Variants in ZNF714 observed in about 807,000 individuals in gnomAD.
ZNF714 encodes the protein zinc finger protein 714.
In ZNF714, 32 loss-of-function variants were observed where a neutral mutation model predicts 46.2. The ratio of observed to expected loss-of-function variants is 0.69; its 90% CI spans 0.52 to 0.93. The LOEUF (loss-of-function observed/expected upper bound fraction) is 0.93. ZNF714 is among the 40% of genes least tolerant of loss of function. The probability of loss-of-function intolerance (pLI) is 0.00; values close to 1 mark genes in which losing one functional copy is unlikely to be tolerated. For missense variants in ZNF714, 635 were observed against 646.3 expected, an observed-to-expected ratio of 0.98 and a Z score of 0.19; for synonymous variants, 199 against 213.1, an observed-to-expected ratio of 0.93 and a Z score of 0.58.
At position 21,123,906 on chromosome 19, in the gene ZNF714, C is replaced by A. The variant is rs1969750355; in HGVS notation, c.*5574C>A. 3 of 152,202 alleles carry A rather than the reference C, an allele frequency of 2.0e-5. No homozygotes were observed. Among genetic ancestry groups the A allele is most frequent in the South Asian group, 4.1e-4 (2 of 4,822 alleles). The allele number at this position is 152,202 out of a possible 1,614,324, so 9.4% of individuals were successfully genotyped here. A position where few individuals can be genotyped will look rare whatever the true frequency, so the allele number is the denominator to read the frequency against. On this transcript the variant is annotated 3_prime_UTR_variant, in exon 5 of 5. Transcript: ENST00000456283. ...ACCAAGCTGTAGCCAACTCCTGGGT[C>A]ATTTTCTCTGAAAAACATTTGGAGA...
chr19:21,091,055 T>G (rs950043356), intron 2 of ZNF714: 1 of 152,094 alleles, frequency 6.6e-6, no homozygotes, highest in African/African-American at 2.4e-5. Flanking sequence ...CAGCTAATTT[T>G]TGTGTTTTTA....
In ZNF714 at chr19:21,117,010, A is replaced by G. The variant is rs1458590747; in HGVS notation, c.346A>G (p.Ile116Val). 1.2e-6 allele frequency: 2 copies of G among 1,613,678 alleles called. No homozygotes were observed. Among genetic ancestry groups the G allele is most frequent in the East Asian group, 2.2e-5 (1 of 44,814 alleles). ...GTGTTTGACAACTACCCAGAGCAAA[A>G]TATTTCCATGTGATAAATATATAAA... ...NQCLTTTQSK[I>V]FPCDKYIKVF... Residue 116 changes from isoleucine to valine, a missense_variant, in exon 5 of 5, where the codon ATA becomes GTA. By Grantham distance (29) the Ile-to-Val change is conservative. Coordinates refer to ENST00000456283, the MANE Select transcript of ZNF714 (RefSeq NM_182515.4).
At chr19:21,094,257 C>CT (rs1331965020) in intron 2 of ZNF714, among the ~76,000 whole-genome samples, 2 of 152,246 alleles carry the variant, frequency 1.3e-5, no homozygotes, top group African/African-American at 4.8e-5. Context: ...TCCCAAAGTG[C>CT]TGGGATTACT....
intron 4 of ZNF714, among the ~76,000 whole-genome samples, chr19:21,110,166 C>T (rs938424758): frequency 8.5e-5 from 13 of 152,182 alleles, no homozygotes; most frequent in African/African-American, 2.4e-4. Flanking sequence ...TTTGAGGAAT[C>T]GCCATACTGG....
chr19:21,117,744 G>A lies in ZNF714; in HGVS notation c.1080G>A (p.Lys360=). ...FNVSSHLTTH[K]MIHTGEKPYK... ...TGTCTTCACACCTTACTACACATAA[G>A]ATGATTCATACTGGAGAGAAACCCT... Residue 360 remains lysine, a synonymous_variant, in exon 5 of 5, where the codon AAG becomes AAA. Coordinates refer to ENST00000456283, the MANE Select transcript of ZNF714 (RefSeq NM_182515.4). The A allele has an allele frequency of 6.2e-7, 1 of 1,613,086 alleles. No individual in the cohort carries two copies. Among genetic ancestry groups the A allele is most frequent in the Non-Finnish European group, 8.5e-7 (1 of 1,179,730 alleles).
At chr19:21,084,406 G>A (rs1968727940) in intron 2 of ZNF714, among the ~76,000 whole-genome samples, 1 of 152,028 alleles carries the variant, frequency 6.6e-6, no homozygotes, top group Admixed American at 6.6e-5. Flanking sequence ...CCATCAGCAA[G>A]GTTAACTGAG....
intron 4 of ZNF714, among the ~76,000 whole-genome samples, chr19:21,105,119 G>A (rs1166552715): frequency 6.7e-6 from 1 of 149,604 alleles, no homozygotes. Flanking sequence ...CTGCCTCCTG[G>A]GTTTAAGTGA....
rs1043495112 is a variant in ZNF714 at position 21,100,571 on chromosome 19, G to T, written c.142+1661G>T. ...GATTTTTTACCTTCTTGGTTAAATT[G>T]GTTTTCAGAAATTTATTATTTTAAT... is the stretch of plus-strand genomic sequence containing the variant. On this transcript the variant is annotated intron_variant, in intron 4 of 4. Transcript: ENST00000456283. Among the ~76,000 whole-genome samples, 3 of 151,614 alleles carry T rather than the reference G, an allele frequency of 2.0e-5. No individual in the cohort carries two copies. The South Asian group carries it at 6.3e-4, about 32-fold the overall frequency.
In ZNF714 at chr19:21,085,794, G is replaced by A. The variant is rs138725137; in HGVS notation, c.-85+1725G>A. On this transcript the variant is annotated intron_variant, in intron 2 of 4. Coordinates refer to ENST00000456283, the MANE Select transcript of ZNF714 (RefSeq NM_182515.4). ...TGCAGTTAAGGTTAAGATGAAAGGG[G>A]ACTGAGAGGGTCTTACTGATGATAA... 6.5e-3 allele frequency among the ~76,000 whole-genome samples: 992 copies of A among 152,044 alleles called. 10 individuals carry two copies. The highest frequency in any genetic ancestry group is 0.011 in the Non-Finnish European group (718 of 68,008).
intron 4 of ZNF714, among the ~76,000 whole-genome samples, chr19:21,111,596 C>T (rs563308790): frequency 6.6e-6 from 1 of 152,126 alleles, no homozygotes; most frequent in Non-Finnish European, 1.5e-5. Context: ...CCTGATTTCG[C>T]TGGCTGGAAC....
intron 2 of ZNF714, among the ~76,000 whole-genome samples, chr19:21,092,372 T>G (rs1010536381): frequency 4.6e-5 from 7 of 152,174 alleles, no homozygotes; most frequent in Non-Finnish European, 8.8e-5. Context: ...AAGTGTCAAG[T>G]CTCCTGGCAT....
Position 21,118,216 on chromosome 19 carries a change from G to C in ZNF714, c.1552G>C (p.Gly518Arg). 6.3e-7 allele frequency: 1 copy of C among 1,595,260 alleles called. No individual in the cohort carries two copies. Among genetic ancestry groups the C allele is most frequent in the East Asian group, 2.3e-5 (1 of 44,166 alleles). The change falls in exon 5 of 5, where the codon GGA becomes CGA. Residue 518 changes from glycine (G) to arginine (R), a missense_variant. Coordinates refer to ENST00000456283, the MANE Select transcript of ZNF714 (RefSeq NM_182515.4). ...TGCCTGTAATCCCAACACTTTGAGA[G>C]GACTAGGTGAGCAGATCGCGAGGTC... is the stretch of plus-strand genomic sequence containing the variant. Reference protein sequence around the residue: ...AHACNPNTLRGLGEQIARSGV... With the variant: ...AHACNPNTLRRLGEQIARSGV...
intron 4 of ZNF714, among the ~76,000 whole-genome samples, chr19:21,099,845 C>T (rs1213314586): frequency 1.3e-5 from 2 of 152,112 alleles, no homozygotes. Context: ...TTCTTTCAAT[C>T]CATAGACATG....
At chr19:21,082,445 A>G (rs1366972220) in intron 1 of ZNF714, 97 bp downstream of exon 1, 6 of 1,236,202 alleles carry the variant, frequency 4.9e-6, no homozygotes, top group African/African-American at 1.4e-5. Flanking sequence ...CCCGCAGTCA[A>G]CTCTACAATC....
In ZNF714 at chr19:21,121,029, T is replaced by G. The variant is rs901711990; in HGVS notation, c.*2697T>G. The stretch of plus-strand genomic sequence containing the variant: ...CCAAACCTACACTTTTTAAAAATTT[T>G]TTGTTGTTGTTGTTCTTGTTGTTGT... On this transcript the variant is annotated 3_prime_UTR_variant, in exon 5 of 5. Coordinates refer to ENST00000456283, the MANE Select transcript of ZNF714 (RefSeq NM_182515.4). The G allele has an allele frequency of 7.2e-5, 11 of 152,126 alleles. No individual in the cohort carries two copies. Among genetic ancestry groups the G allele is most frequent in the African/African-American group, 9.7e-5 (4 of 41,428 alleles). The allele number at this position is 152,126 out of a possible 1,614,324, so 9.4% of individuals were successfully genotyped here. A position where few individuals can be genotyped will look rare whatever the true frequency, so the allele number is the denominator to read the frequency against.
At chr19:21,095,130 G>T (rs1398960113) in intron 2 of ZNF714, among the ~76,000 whole-genome samples, 4 of 151,990 alleles carry the variant, frequency 2.6e-5, no homozygotes, top group Non-Finnish European at 5.9e-5. Context: ...AGTTTCCTTT[G>T]CTATGAAGAA....
rs768818257 is a variant in ZNF714, at chr19:21,117,145, C to A, written c.481C>A (p.His161Asn). The change falls in exon 5 of 5, where the codon CAT (histidine) becomes AAT (asparagine). Residue 161 changes from histidine to asparagine, a missense_variant. By Grantham distance (68) the His-to-Asn change is moderately conservative. Transcript: ENST00000456283. ...ATCATTTTGCATGCTTTTACACCTA[C>A]ATCAACATAAAAGAATTCATATTAG... is the stretch of plus-strand genomic sequence containing the variant. The part of the protein sequence containing the change: ...DESFCMLLHL[H>N]QHKRIHIREN... The A allele has an allele frequency of 9.9e-6, 16 of 1,613,700 alleles. No individual in the cohort carries two copies. Among genetic ancestry groups the A allele is most frequent in the African/African-American group, 1.3e-5 (1 of 74,894 alleles).
In ZNF714 at chr19:21,093,404, A is replaced by G. The variant is rs563862011; in HGVS notation, c.-84-4781A>G. On this transcript the variant is annotated intron_variant, in intron 2 of 4. Coordinates refer to ENST00000456283, the MANE Select transcript of ZNF714 (RefSeq NM_182515.4). ...TGCGCCACCACTCATGGCTAATTTT[A>G]TATTTTTAGTAGAGATGGGGTTTCA... is the stretch of plus-strand genomic sequence containing the variant. Among the ~76,000 whole-genome samples, 824 of 149,424 alleles carry G rather than the reference A, an allele frequency of 5.5e-3. 8 individuals are homozygous for G. The highest frequency in any genetic ancestry group is 9.5e-3 in the Non-Finnish European group (639 of 67,438).
At chr19:21,116,692 T>G (rs1002566770) in intron 4 of ZNF714, 115 bp from the exon 5 acceptor site, 3 of 1,223,062 alleles carry the variant, frequency 2.5e-6, no homozygotes, top group Non-Finnish European at 2.2e-6. Flanking sequence ...TTAGGGCCTG[T>G]GGTATTTTAT....
Sources: allele counts gnomAD v4.1 joint callset (sites outside exome capture counted in the v4.1 genomes callset), GRCh38; gene constraint gnomAD v4.1.1; transcripts MANE v1.5; gene names NCBI Gene and HGNC (gene_info 2026-07-23, HGNC 2026-07-21).